ANKS6: variants seen among roughly 807,000 people sequenced by gnomAD.
ANKS6 encodes ankyrin repeat and sterile alpha motif domain containing 6.
ANKS6 carries 47 observed loss-of-function variants against 77.9 expected under a neutral mutation model. The observed-to-expected ratio is 0.60, with a 90% confidence interval of 0.48 to 0.77. ANKS6 has a LOEUF of 0.77. ANKS6 is among the 30% of genes least tolerant of loss of function. ANKS6 has a pLI of 0.00. For missense variants in ANKS6, 1,150 were observed against 1,159.1 expected (o/e 0.99, Z 0.11); for synonymous variants, 488 against 501.7 (o/e 0.97, Z 0.37).
At chr9:98,776,599 C>A (rs1196928030) in intron 8 of ANKS6, among the ~76,000 whole-genome samples, 1 of 152,038 alleles carries the variant, frequency 6.6e-6, no homozygotes, top group Non-Finnish European at 1.5e-5. Flanking sequence ...TGAGGTTTCA[C>A]CATGTTGGCC....
chr9:98,768,323 G>A (rs1465187330), intron 10 of ANKS6, 73 bp from the exon 11 acceptor site: 13 of 1,565,616 alleles, frequency 8.3e-6, no homozygotes, highest in Admixed American at 5.1e-5. Flanking sequence ...GTGGACTGTC[G>A]TGTGATGATT....
chr9:98,751,326 C>T (rs1056462495), intron 12 of ANKS6, among the ~76,000 whole-genome samples: 4 of 152,020 alleles, frequency 2.6e-5, no homozygotes, highest in African/African-American at 4.8e-5. Flanking sequence ...CAAAACTCCA[C>T]GTCAGGCTGT....
intron 9 of ANKS6, among the ~76,000 whole-genome samples, chr9:98,772,007 G>C (rs1054397078): frequency 6.6e-6 from 1 of 152,138 alleles, no homozygotes; most frequent in African/African-American, 2.4e-5. Flanking sequence ...CTCTGGCCTC[G>C]GCACAAAGAA....
Position 98,739,802 on chromosome 9 carries a change from T to A in ANKS6, c.2512-3179A>T, listed in dbSNP as rs1831719843. Among the ~76,000 whole-genome samples, 3 of 122,404 alleles carry A rather than the reference T, an allele frequency of 2.5e-5. No individual in the cohort carries two copies. In the Admixed American group the frequency reaches 2.7e-4, roughly 11 times the overall value. The allele number at this position is 122,404 out of a possible 152,430, so 80.3% of individuals were successfully genotyped here. ...GACGGAGTCTTGCTGTCGCCCAGGC[T>A]GGAGTGCAGTGGCGCAATCTCGGCT... On this transcript the variant is annotated intron_variant, in intron 14 of 14. Coordinates refer to ENST00000353234, the MANE Select transcript of ANKS6 (RefSeq NM_173551.5).
chr9:98,751,945 G>C (rs1367304294), intron 12 of ANKS6, among the ~76,000 whole-genome samples: 1 of 152,168 alleles, frequency 6.6e-6, no homozygotes, highest in Non-Finnish European at 1.5e-5. Flanking sequence ...TTAGCCAGGA[G>C]GTGTGATGTG....
chr9:98,746,011 T>C (rs1019360236), intron 13 of ANKS6: 2 of 317,174 alleles, frequency 6.3e-6, no homozygotes, highest in African/African-American at 4.3e-5. Context: ...GCAATGTTGC[T>C]GTACTTTTAA....
chr9:98,732,736 AG>A lies in ANKS6; in HGVS notation c.*3782del, dbSNP rs1831269199. 7 of 1,433,558 alleles carry A rather than the reference AG, an allele frequency of 4.9e-6. No individual in the cohort carries two copies. The Admixed American group carries it at 2.0e-4, about 40-fold the overall frequency. The allele number at this position is 1,433,558 out of a possible 1,614,324, so 88.8% of individuals were successfully genotyped here. ...AACCAAAAGGGAAACTGGGACTCAA[AG>A]GGAAGAAGAAACGTGCTCAACATCA... On this transcript the variant is annotated 3_prime_UTR_variant, in exon 15 of 15. Transcript: ENST00000353234.
At chr9:98,750,719 A>G (rs1161498013) in intron 13 of ANKS6, among the ~76,000 whole-genome samples, 1 of 152,188 alleles carries the variant, frequency 6.6e-6, no homozygotes, top group African/African-American at 2.4e-5. Context: ...GTTTACTATT[A>G]GCTCACTTTA....
rs201104087 is a variant in ANKS6, at chr9:98,778,402, T to A, written c.1391A>T (p.Asn464Ile). The A allele has an allele frequency of 2.5e-6, 4 of 1,613,960 alleles. No individual in the cohort carries two copies. The highest frequency in any genetic ancestry group is 2.5e-6 in the Non-Finnish European group (3 of 1,179,986). Residue 464 changes from asparagine (N) to isoleucine (I), a missense_variant, in exon 7 of 15, where the codon AAT (asparagine) becomes ATT (isoleucine). Transcript: ENST00000353234. Reference protein sequence around the residue: ...GLKSWWNRMSNRFRKLKLMQT... With the variant: ...GLKSWWNRMSIRFRKLKLMQT... The stretch of plus-strand genomic sequence containing the variant: ...CATCAGTTTGAGCTTTCGGAACCGA[T>A]TGGACATTCGGTTCCACCAGGACTG...
intron 14 of ANKS6, among the ~76,000 whole-genome samples, chr9:98,741,080 T>C (rs1480989967): frequency 6.6e-6 from 1 of 152,236 alleles, no homozygotes; most frequent in Admixed American, 6.5e-5. Context: ...CTGTGAGGAT[T>C]AGAAGGCCTT....
chr9:98,778,246 G>T lies in ANKS6; in HGVS notation c.1547C>A (p.Ala516Asp). ...CTCACCATTGTCTTTGGTCACAGGG[G>T]CCGCATCAGGGAGTGCAGAGCGGCT... ...KTSRSALPDAAPVTKDNGPGS... is the reference protein window; with the variant it reads ...KTSRSALPDADPVTKDNGPGS... Residue 516 changes from alanine to aspartate, a missense_variant, in exon 7 of 15, where the codon GCC (alanine) becomes GAC (aspartate). Ala to Asp is a moderately radical substitution (Grantham distance 126). Coordinates refer to ENST00000353234, the MANE Select transcript of ANKS6 (RefSeq NM_173551.5). 2 of 1,614,166 alleles carry T rather than the reference G, an allele frequency of 1.2e-6. No homozygotes were observed. The highest frequency in any genetic ancestry group is 1.7e-6 in the Non-Finnish European group (2 of 1,180,020).
chr9:98,732,249 A>G lies in ANKS6; in HGVS notation c.*4270T>C, dbSNP rs1831241529. 1.8e-6 allele frequency: 1 copy of G among 556,986 alleles called. No homozygotes were observed. Among genetic ancestry groups the G allele is most frequent in the Non-Finnish European group, 3.2e-6 (1 of 312,402 alleles). 34.5% of individuals were successfully genotyped at this position (556,986 alleles called of 1,614,324 possible). ...TTGGAAGTACAGGTCAGCGTTATCC[A>G]AAGTTGTCCAGCCTCCGGCCTGGCC... On this transcript the variant is annotated 3_prime_UTR_variant, in exon 15 of 15. Coordinates refer to ENST00000353234, the MANE Select transcript of ANKS6 (RefSeq NM_173551.5).
chr9:98,742,943 G>A (rs1831922862), intron 14 of ANKS6, among the ~76,000 whole-genome samples: 1 of 152,190 alleles, frequency 6.6e-6, no homozygotes, highest in African/African-American at 2.4e-5. Context: ...GGCTCAAGAT[G>A]TCATGTCATT....
intron 10 of ANKS6, among the ~76,000 whole-genome samples, chr9:98,770,479 T>C (rs1385088751): frequency 6.6e-6 from 1 of 152,138 alleles, no homozygotes; most frequent in Non-Finnish European, 1.5e-5. Flanking sequence ...TGCTTTGAGA[T>C]CTAATTGCCA....
intron 13 of ANKS6, among the ~76,000 whole-genome samples, chr9:98,750,507 A>G (rs868339404): frequency 6.6e-6 from 1 of 152,236 alleles, no homozygotes; most frequent in Non-Finnish European, 1.5e-5. Context: ...GTGTGGACAC[A>G]TGTCTTCATT....
At position 98,732,668 on chromosome 9, in the gene ANKS6, T is replaced by C; in HGVS notation, c.*3851A>G. 4 of 1,501,080 alleles carry C rather than the reference T, an allele frequency of 2.7e-6. No homozygotes were observed. Among genetic ancestry groups the C allele is most frequent in the Non-Finnish European group, 3.6e-6 (4 of 1,125,646 alleles). 93.0% of individuals were successfully genotyped at this position (1,501,080 alleles called of 1,614,324 possible). Reference sequence around the variant, plus strand: ...CACCGCTCCACAGTGTGAAAAGGGCTTTCTCACTTTCACATGATCCCTGGG... The same window carrying C: ...CACCGCTCCACAGTGTGAAAAGGGCCTTCTCACTTTCACATGATCCCTGGG... On this transcript the variant is annotated 3_prime_UTR_variant, in exon 15 of 15. Coordinates refer to ENST00000353234, the MANE Select transcript of ANKS6 (RefSeq NM_173551.5).
At chr9:98,769,280 C>G (rs1262618499) in intron 10 of ANKS6, among the ~76,000 whole-genome samples, 1 of 152,054 alleles carries the variant, frequency 6.6e-6, no homozygotes, top group Non-Finnish European at 1.5e-5. Flanking sequence ...TTAAACAGAG[C>G]CATTCTGGAG....
At chr9:98,757,954 AATAT>A (rs1198843286) in intron 11 of ANKS6, among the ~76,000 whole-genome samples, 1 of 151,920 alleles carries the variant, frequency 6.6e-6, no homozygotes, top group African/African-American at 2.4e-5. Context: ...TAAATAAATA[AATAT>A]ACAAAATAAA....
intron 10 of ANKS6, among the ~76,000 whole-genome samples, chr9:98,770,658 A>G (rs1052309958): frequency 1.3e-5 from 2 of 149,920 alleles, no homozygotes; most frequent in African/African-American, 4.9e-5. Flanking sequence ...ATTTTACAAG[A>G]AAAAAAAAAG....
Sources: gnomAD v4.1 joint callset for allele counts (sites outside exome capture counted in the v4.1 genomes callset) on GRCh38, gnomAD v4.1.1 for gene constraint, MANE v1.5 for transcripts, NCBI Gene and HGNC (gene_info 2026-07-23, HGNC 2026-07-21) for gene names.